The following DDX55 variants were observed in gnomAD, a reference collection of about 807,000 sequenced individuals.
DDX55 encodes DEAD-box helicase 55, also known as ATP-dependent RNA helicase DDX55.
A neutral mutation model predicts 69.2 loss-of-function variants in DDX55; 56 were observed. That is an observed-to-expected ratio of 0.81 (90% CI 0.65 to 1.01). The LOEUF (loss-of-function observed/expected upper bound fraction) is 1.01. DDX55 is among the 50% of genes least tolerant of loss of function. The pLI is 0.00. For synonymous variants in DDX55, 268 were observed against 273.1 expected, an observed-to-expected ratio of 0.98 and a Z score of 0.18; for missense variants, 720 against 745.1, an observed-to-expected ratio of 0.97 and a Z score of 0.39.
chr12:123,607,468 G>A lies in DDX55; in HGVS notation c.283G>A (p.Ala95Thr), dbSNP rs752912823. The A allele has an allele frequency of 1.9e-6, 3 of 1,614,082 alleles. No individual in the cohort carries two copies. In the East Asian group the frequency reaches 6.7e-5, roughly 36 times the overall value. ...AIIITPTREL[A>T]IQIDEVLSHF... ...AATCATCACCCCCACTCGAGAGCTG[G>A]CCATTCAAATAGACGAGGTCCTGTC... The change falls in exon 4 of 14, where the codon GCC becomes ACC. Residue 95 changes from alanine to threonine, a missense_variant. Physicochemically the swap from Ala to Thr is moderately conservative, Grantham distance 58 (BLOSUM62 0). Coordinates refer to ENST00000238146, the MANE Select transcript of DDX55 (RefSeq NM_020936.3).
intron 1 of DDX55, among the ~76,000 whole-genome samples, chr12:123,604,033 C>T (rs1350265532): frequency 6.6e-6 from 1 of 151,986 alleles, no homozygotes; most frequent in Non-Finnish European, 1.5e-5. Flanking sequence ...GAACTCCTGA[C>T]CTCAGGTACG....
rs755986537 is a variant in DDX55 at position 123,605,917 on chromosome 12, ATCTC to A, written c.109-8_109-5del. ...GGCATCCTTTAACCAGTGCTTTGCAATCTCTCTCTTTAGTCCGCAACCATCCCTC... is the reference window on the plus strand; with the variant it reads ...GGCATCCTTTAACCAGTGCTTTGCAATCTCTTTAGTCCGCAACCATCCCTC... On this transcript the variant is annotated splice_polypyrimidine_tract_variant and intron_variant, in intron 1 of 13. Transcript: ENST00000238146. 2.5e-6 allele frequency: 4 copies of A among 1,614,048 alleles called. No homozygotes were observed. Among genetic ancestry groups the A allele is most frequent in the Non-Finnish European group, 3.4e-6 (4 of 1,179,990 alleles).
intron 8 of DDX55, 44 bp from the exon 9 acceptor site, chr12:123,615,141 G>T: frequency 6.2e-7 from 1 of 1,611,310 alleles, no homozygotes; most frequent in South Asian, 1.1e-5. Flanking sequence ...GTTGTAGAAG[G>T]ACCAAAGTGG....
At chr12:123,619,347 G>A in intron 12 of DDX55, 85 bp from the exon 13 acceptor site, 2 of 1,511,292 alleles carry the variant, frequency 1.3e-6, no homozygotes, top group South Asian at 1.4e-5. Flanking sequence ...TAAACCCTTT[G>A]GTTAGAAAAA....
At position 123,607,700 on chromosome 12, in the gene DDX55, T is replaced by C. The variant is rs1953978486; in HGVS notation, c.401+38T>C. The C allele has an allele frequency of 2.5e-6, 4 of 1,613,850 alleles. No individual in the cohort carries two copies. In the Admixed American group the frequency reaches 6.7e-5, roughly 27 times the overall value. On this transcript the variant is annotated intron_variant, in intron 5 of 13. Coordinates refer to ENST00000238146, the MANE Select transcript of DDX55 (RefSeq NM_020936.3). ...GTGTCTGCTTGTTTCTTTGCTTGCTTTTGGCATTGAACCTAAGAATCGATG... is the reference window on the plus strand; with the variant it reads ...GTGTCTGCTTGTTTCTTTGCTTGCTCTTGGCATTGAACCTAAGAATCGATG...
Position 123,610,085 on chromosome 12 carries a change from G to A in DDX55, c.698G>A (p.Ser233Asn), listed in dbSNP as rs775990868. The A allele has an allele frequency of 1.2e-5, 20 of 1,614,044 alleles. No homozygotes were observed. The highest frequency in any genetic ancestry group is 3.3e-4 in the Middle Eastern group (2 of 6,078). ...VSVKEKGVAA[S>N]SAQKTPSRLE... ...GTGAAGGAGAAGGGCGTGGCAGCCA[G>A]CAGTGCCCAGAAGACCCCCTCCCGC... The change falls in exon 7 of 14, where the codon AGC becomes AAC. Residue 233 changes from serine (S) to asparagine (N), a missense_variant. Physicochemically the swap from Ser to Asn is conservative, Grantham distance 46 (BLOSUM62 1). Transcript: ENST00000238146.
chr12:123,607,725 G>A lies in DDX55; in HGVS notation c.401+63G>A, dbSNP rs1171541592. The A allele has an allele frequency of 5.6e-6, 9 of 1,611,040 alleles. No individual in the cohort carries two copies. The East Asian group carries it at 2.0e-4, about 36-fold the overall frequency. On this transcript the variant is annotated intron_variant, in intron 5 of 13. Transcript: ENST00000238146. ...TTTGGCATTGAACCTAAGAATCGAT[G>A]TGTGATCTCAGCCTAACTGTGGGTC...
chr12:123,618,903 G>A (rs1954915798), intron 12 of DDX55, 66 bp downstream of exon 12: 1 of 1,572,988 alleles, frequency 6.4e-7, no homozygotes, highest in Admixed American at 1.8e-5. Context: ...ACAAGTATGA[G>A]ATTGCTTTGT....
chr12:123,602,123 C>A lies in DDX55; in HGVS notation c.-26C>A, dbSNP rs2135675021. 6.5e-7 allele frequency: 1 copy of A among 1,533,900 alleles called. No individual in the cohort carries two copies. Among genetic ancestry groups the A allele is most frequent in the East Asian group, 2.5e-5 (1 of 40,478 alleles). ...TGCACAAGGCGCGTTCGAGCAGCGG[C>A]GACCGACGCGGCGAAGGAGCGCGCC... is the stretch of plus-strand genomic sequence containing the variant. On this transcript the variant is annotated 5_prime_UTR_variant, in exon 1 of 14. Transcript: ENST00000238146.
rs527609158 is a variant in DDX55 at position 123,610,169 on chromosome 12, A to C, written c.741+41A>C. The C allele has an allele frequency of 5.1e-6, 8 of 1,581,216 alleles. No homozygotes were observed. In the African/African-American group the frequency reaches 1.1e-4, roughly 22 times the overall value. ...TGCTTCTTACTCAGCGATAATGACC[A>C]GTGCTCATTTTATGGAAATTGTACT... On this transcript the variant is annotated intron_variant, in intron 7 of 13. Transcript: ENST00000238146.
At chr12:123,616,925 C>G in intron 10 of DDX55, 1 of 290,600 alleles carries the variant, frequency 3.4e-6, no homozygotes, top group South Asian at 3.4e-5. Flanking sequence ...GAGGCCGAGG[C>G]AGGTGAATCG....
At position 123,617,800 on chromosome 12, in the gene DDX55, C is replaced by T. The variant is rs757084171; in HGVS notation, c.1092C>T (p.His364=). The change falls in exon 11 of 14, where the codon CAC becomes CAT. Residue 364 remains histidine (H), a synonymous_variant. Coordinates refer to ENST00000238146, the MANE Select transcript of DDX55 (RefSeq NM_020936.3). The part of the protein sequence containing the change: ...HRCGRTARIG[H]GGSALVFLLP... ...GCGGTCGCACAGCTCGCATTGGCCA[C>T]GGGGGCAGCGCTCTGGTGTTCCTCC... is the stretch of plus-strand genomic sequence containing the variant. 23 of 1,613,606 alleles carry T rather than the reference C, an allele frequency of 1.4e-5. No individual in the cohort carries two copies. Among genetic ancestry groups the T allele is most frequent in the East Asian group, 1.1e-4 (5 of 44,892 alleles).
In DDX55 at chr12:123,602,295, G is replaced by A. The variant is rs181092507; in HGVS notation, c.108+39G>A. The stretch of plus-strand genomic sequence containing the variant: ...GGCGTGGGGGAGTGAGGCTGGGAGA[G>A]GGGCAGGCACCCGCTGCATCGGACC... On this transcript the variant is annotated intron_variant, in intron 1 of 13. Transcript: ENST00000238146. The A allele has an allele frequency of 1.3e-4, 189 of 1,504,180 alleles. 1 individual carries two copies. The African/African-American group carries it at 2.4e-3, about 19-fold the overall frequency. 93.2% of individuals were successfully genotyped at this position (1,504,180 alleles called of 1,614,324 possible).
At chr12:123,616,997 T>C (rs1271757839) in intron 10 of DDX55, among the ~76,000 whole-genome samples, 1 of 152,080 alleles carries the variant, frequency 6.6e-6, no homozygotes, top group Non-Finnish European at 1.5e-5. Context: ...ACAAAAAATA[T>C]ATATACAGAT....
At chr12:123,605,406 G>A in intron 1 of DDX55, 1 of 207,462 alleles carries the variant, frequency 4.8e-6, no homozygotes, top group Admixed American at 5.2e-5. Context: ...AGCAATCACT[G>A]TGTAGAGGCA....
chr12:123,614,793 T>C (rs1954528619), intron 8 of DDX55, among the ~76,000 whole-genome samples: 2 of 152,216 alleles, frequency 1.3e-5, no homozygotes, highest in South Asian at 4.1e-4. Context: ...AGCAGTTCCC[T>C]AAACGGAAAG....
chr12:123,615,501 A>C (rs951123560), intron 9 of DDX55, among the ~76,000 whole-genome samples, 185 bp downstream of exon 9: 4 of 152,102 alleles, frequency 2.6e-5, no homozygotes, highest in African/African-American at 9.7e-5. Flanking sequence ...GCCCTGTTCC[A>C]ATTGCTTTGC....
intron 8 of DDX55, among the ~76,000 whole-genome samples, chr12:123,614,071 C>T (rs1273404587): frequency 4.0e-5 from 6 of 151,880 alleles, no homozygotes; most frequent in African/African-American, 7.3e-5. Context: ...TGACCATGAC[C>T]CACAGTAAGA....
Position 123,618,841 on chromosome 12 carries a change from A to C in DDX55, c.1333+4A>C. On this transcript the variant is annotated splice_donor_region_variant and intron_variant, in intron 12 of 13. Transcript: ENST00000238146. ...AACCTGATTTTCAGATTAAAGGGTA[A>C]GTTGGACTTCTTCATGTGATAATGT... 6.2e-7 allele frequency: 1 copy of C among 1,613,634 alleles called. No individual in the cohort carries two copies. The highest frequency in any genetic ancestry group is 1.3e-5 in the African/African-American group (1 of 75,044).
Sources: gnomAD v4.1 joint callset for allele counts (sites outside exome capture counted in the v4.1 genomes callset) on GRCh38, gnomAD v4.1.1 for gene constraint, MANE v1.5 for transcripts, NCBI Gene and HGNC (gene_info 2026-07-23, HGNC 2026-07-21) for gene names.